Variants in DTHD1 observed in about 807,000 individuals in gnomAD.
The protein encoded by DTHD1 is death domain-containing protein 1.
Under a neutral mutation model 74.8 loss-of-function variants are expected in DTHD1, and 59 were observed. The observed-to-expected ratio is 0.79, with a 90% CI of 0.64 to 0.98. The LOEUF (loss-of-function observed/expected upper bound fraction) is 0.98. Ranked by LOEUF, DTHD1 falls within the 50% of genes least tolerant of loss-of-function variation. The pLI, the probability that DTHD1 is intolerant of heterozygous loss-of-function variation, is 0.00. For missense variants in DTHD1, 1,051 were observed against 1,065.4 expected, an observed-to-expected ratio of 0.99 and a Z score of 0.19; for synonymous variants, 365 against 371.1, an observed-to-expected ratio of 0.98 and a Z score of 0.19.
Position 36,339,212 on chromosome 4 carries a change from C to T in DTHD1, c.2398+43C>T, listed in dbSNP as rs754019341. The stretch of plus-strand genomic sequence containing the variant: ...TGTCATCATTATAGTGCTTCCCCAC[C>T]CCCTTATATGTTGTATATATGTGAA... On this transcript the variant is annotated intron_variant, in intron 9 of 9. Coordinates refer to ENST00000639862, the MANE Select transcript of DTHD1 (RefSeq NM_001170700.3). The T allele has an allele frequency of 7.0e-5, 95 of 1,360,044 alleles. 1 individual carries two copies. In the East Asian group the frequency reaches 2.1e-3, roughly 30 times the overall value. 84.2% of individuals were successfully genotyped at this position (1,360,044 alleles called of 1,614,324 possible).
chr4:36,286,491 T>C (rs1755719088), intron 2 of DTHD1, among the ~76,000 whole-genome samples: 1 of 152,222 alleles, frequency 6.6e-6, no homozygotes, highest in East Asian at 1.9e-4. Flanking sequence ...GAATGTGTTG[T>C]CAATTCCCCC....
At chr4:36,316,775 T>A (rs1312705586) in intron 8 of DTHD1, among the ~76,000 whole-genome samples, 1 of 152,188 alleles carries the variant, frequency 6.6e-6, no homozygotes, top group Non-Finnish European at 1.5e-5. Flanking sequence ...TAACTGCCTC[T>A]GAGTCACTGG....
chr4:36,318,624 T>TG (rs1757872239), intron 8 of DTHD1, among the ~76,000 whole-genome samples: 3 of 144,790 alleles, frequency 2.1e-5, no homozygotes, highest in African/African-American at 7.6e-5. Context: ...TTTTTTTTTT[T>TG]TTTTTTTTGA....
Position 36,284,422 on chromosome 4 carries a change from C to A in DTHD1, c.718C>A (p.His240Asn), listed in dbSNP as rs1326030058. 6.5e-7 allele frequency: 1 copy of A among 1,537,078 alleles called. No homozygotes were observed. Among genetic ancestry groups the A allele is most frequent in the Non-Finnish European group, 8.7e-7 (1 of 1,146,844 alleles). Residue 240 changes from histidine to asparagine, a missense_variant, in exon 2 of 10, where the codon CAT becomes AAT. Transcript: ENST00000639862. Reference protein sequence around the residue: ...ENINGNREETHGIIQTTETEI... With the variant: ...ENINGNREETNGIIQTTETEI... ...CATAAATGGCAACAGGGAAGAGACT[C>A]ATGGCATAATTCAGACAACAGAGAC...
intron 9 of DTHD1, among the ~76,000 whole-genome samples, chr4:36,341,261 T>A (rs1759298313): frequency 6.6e-6 from 1 of 151,896 alleles, no homozygotes; most frequent in Non-Finnish European, 1.5e-5. Flanking sequence ...TGAGAGTGTT[T>A]ATAGGAAGCA....
At chr4:36,313,273 G>C (rs1757505588) in intron 7 of DTHD1, among the ~76,000 whole-genome samples, 1 of 152,054 alleles carries the variant, frequency 6.6e-6, no homozygotes, top group Non-Finnish European at 1.5e-5. Flanking sequence ...ACTATCTCAA[G>C]ACACTTCTAG....
chr4:36,285,460 T>C (rs549943010), intron 2 of DTHD1, among the ~76,000 whole-genome samples: 4 of 152,158 alleles, frequency 2.6e-5, no homozygotes, highest in Non-Finnish European at 5.9e-5. Context: ...TTCATTTCCT[T>C]GGATATGGTC....
rs937581267 is a variant in DTHD1 at position 36,281,783 on chromosome 4, G to A, written c.25G>A (p.Gly9Ser). ...AATGGATATGGAATACATGGGCTCAGGTAAACTGGGCCAAATATTGAAGCA... is the reference window on the plus strand; with the variant it reads ...AATGGATATGGAATACATGGGCTCAAGTAAACTGGGCCAAATATTGAAGCA... MDMEYMGS[G>S]KLGQILKQIW... is the part of the protein sequence containing the mutation. Residue 9 changes from glycine to serine, a missense_variant, in exon 1 of 10, where the codon GGT becomes AGT. Transcript: ENST00000639862. The A allele has an allele frequency of 1.6e-6, 2 of 1,239,820 alleles. No homozygotes were observed. Among genetic ancestry groups the A allele is most frequent in the Non-Finnish European group, 2.0e-6 (2 of 990,766 alleles). 76.8% of individuals were successfully genotyped at this position (1,239,820 alleles called of 1,614,324 possible). A position where few individuals can be genotyped will look rare whatever the true frequency, so the allele number is the denominator to read the frequency against.
intron 7 of DTHD1, chr4:36,311,451 C>G (rs1446486606): frequency 1.3e-5 from 2 of 152,206 alleles, no homozygotes; most frequent in African/African-American, 4.8e-5. Flanking sequence ...CTGGAGGGTT[C>G]TCCTCGCCCT....
At chr4:36,339,033 G>A in intron 8 of DTHD1, 79 bp from the exon 9 acceptor site, 1 of 1,157,398 alleles carries the variant, frequency 8.6e-7, no homozygotes, top group Non-Finnish European at 1.3e-6. Context: ...CAGAGATGAT[G>A]TTCAGATGAA....
chr4:36,322,076 T>C (rs1342893987), intron 8 of DTHD1, among the ~76,000 whole-genome samples: 2 of 152,194 alleles, frequency 1.3e-5, no homozygotes, highest in African/African-American at 2.4e-5. Flanking sequence ...CAATCTACTC[T>C]TACCCTGCAA....
At chr4:36,318,350 ATAT>A (rs1156635178) in intron 8 of DTHD1, among the ~76,000 whole-genome samples, 1 of 152,214 alleles carries the variant, frequency 6.6e-6, no homozygotes, top group Non-Finnish European at 1.5e-5. Flanking sequence ...TACAGAGATA[ATAT>A]TAGAAATATT....
At position 36,284,135 on chromosome 4, in the gene DTHD1, C is replaced by A; in HGVS notation, c.431C>A (p.Ala144Glu). The change falls in exon 2 of 10, where the codon GCA (alanine) becomes GAA (glutamate). Residue 144 changes from alanine to glutamate, a missense_variant. Transcript: ENST00000639862. ...QTMSSIQDTK[A>E]ADIAARGELN... ...ATGTCCTCCATTCAAGATACCAAAG[C>A]AGCAGACATTGCTGCAAGAGGGGAA... 6.5e-7 allele frequency: 1 copy of A among 1,537,226 alleles called. No individual in the cohort carries two copies. The highest frequency in any genetic ancestry group is 1.7e-4 in the Middle Eastern group (1 of 5,990).
At position 36,284,185 on chromosome 4, in the gene DTHD1, G is replaced by GT. The variant is rs1314620099; in HGVS notation, c.484dup (p.Ser162PhefsTer20). ...ACTAAATGTCATAGAAACAGCTACT[G>GT]TTTCTCCCACAAATGGAGAGGAAAG... On this transcript the variant is annotated frameshift_variant, in exon 2 of 10. Transcript: ENST00000639862. LOFTEE classifies it high-confidence loss of function. 1.3e-6 allele frequency: 2 copies of GT among 1,537,190 alleles called. No individual in the cohort carries two copies. Among genetic ancestry groups the GT allele is most frequent in the South Asian group, 2.4e-5 (2 of 84,066 alleles).
At chr4:36,329,425 G>C (rs1264138487) in intron 8 of DTHD1, among the ~76,000 whole-genome samples, 1 of 152,176 alleles carries the variant, frequency 6.6e-6, no homozygotes, top group Non-Finnish European at 1.5e-5. Flanking sequence ...TTAGTTCATT[G>C]TCAGAGCAGA....
At chr4:36,305,593 A>T (rs1756996640) in intron 5 of DTHD1, among the ~76,000 whole-genome samples, 1 of 152,218 alleles carries the variant, frequency 6.6e-6, no homozygotes, top group Non-Finnish European at 1.5e-5. Context: ...CAGCCAAACC[A>T]TATCGGTACC....
chr4:36,341,750 G>A (rs533997639), intron 9 of DTHD1, among the ~76,000 whole-genome samples: 4 of 152,254 alleles, frequency 2.6e-5, no homozygotes, highest in Admixed American at 2.6e-4. Context: ...ATATTCTAAG[G>A]TGGACACAAG....
At chr4:36,300,628 C>A (rs544842659) in intron 5 of DTHD1, among the ~76,000 whole-genome samples, 205 of 152,316 alleles carry the variant, frequency 1.3e-3, no homozygotes, top group African/African-American at 4.9e-3. Flanking sequence ...CGCTGTTTTA[C>A]ACTAAAGATT....
At chr4:36,338,480 T>G (rs534555915) in intron 8 of DTHD1, among the ~76,000 whole-genome samples, 9 of 151,840 alleles carry the variant, frequency 5.9e-5, no homozygotes, top group East Asian at 1.9e-4. Context: ...AGGCTGAGCA[T>G]TTAAATAAAT....
Sources: allele counts gnomAD v4.1 joint callset (sites outside exome capture counted in the v4.1 genomes callset), GRCh38; gene constraint gnomAD v4.1.1; transcripts MANE v1.5; gene names NCBI Gene and HGNC (gene_info 2026-07-23, HGNC 2026-07-21).